Variants in RRM1 observed in about 807,000 individuals in gnomAD.
RRM1 encodes the protein ribonucleotide reductase catalytic subunit M1.
RRM1 carries 19 observed loss-of-function variants against 101.5 expected under a neutral mutation model. That is an observed-to-expected ratio of 0.19 (90% CI 0.13 to 0.27). The LOEUF (loss-of-function observed/expected upper bound fraction) is 0.27, where lower values mean the gene tolerates loss of function less well. RRM1 is among the 10% of genes least tolerant of loss of function. The pLI is 1.00. For missense variants in RRM1, 500 were observed against 962.9 expected (o/e 0.52, Z 6.36); for synonymous variants, 298 against 323.4 (o/e 0.92, Z 0.84).
Position 4,132,522 on chromosome 11 carries a change from G to GT in RRM1, c.1905+102dup. The GT allele has an allele frequency of 7.8e-7, 1 of 1,282,126 alleles. No homozygotes were observed. Among genetic ancestry groups the GT allele is most frequent in the Non-Finnish European group, 1.1e-6 (1 of 909,532 alleles). The allele number at this position is 1,282,126 out of a possible 1,614,324, so 79.4% of individuals were successfully genotyped here. ...TAATTTGCCCATTTTCTTAGTTTGG[G>GT]TGCAAACTTTGATAAAGACAGTCAT... On this transcript the variant is annotated intron_variant, in intron 16 of 18. Coordinates refer to ENST00000300738, the MANE Select transcript of RRM1 (RefSeq NM_001033.5). This position sits in a 1 kb window ranked among gnomAD's most constrained non-coding sequence, Gnocchi z 4.1.
chr11:4,107,354 A>G, intron 3 of RRM1, 81 bp from the exon 4 acceptor site: 2 of 952,224 alleles, frequency 2.1e-6, no homozygotes, highest in East Asian at 2.4e-5. Context: ...GTTGAGAACC[A>G]CTGTTTTCAA....
intron 17 of RRM1, among the ~76,000 whole-genome samples, chr11:4,134,682 C>T (rs1027267488): frequency 3.9e-5 from 6 of 152,206 alleles, no homozygotes; most frequent in Non-Finnish European, 5.9e-5. Context: ...TTCCCTTGGT[C>T]CCTGTGAATT....
At position 4,111,076 on chromosome 11, in the gene RRM1, A is replaced by G. The variant is rs567383787; in HGVS notation, c.448-525A>G. Among the ~76,000 whole-genome samples, 5 of 152,176 alleles carry G rather than the reference A, an allele frequency of 3.3e-5. No homozygotes were observed. In the East Asian group the frequency reaches 5.8e-4, roughly 18 times the overall value. The stretch of plus-strand genomic sequence containing the variant: ...TTTTCATGCAGTCTCTGCCGAAACA[A>G]AAGTGCCAGTGAGGAGGCTGAGATG... On this transcript the variant is annotated intron_variant, in intron 5 of 18. Coordinates refer to ENST00000300738, the MANE Select transcript of RRM1 (RefSeq NM_001033.5).
chr11:4,124,418 T>C (rs192153709), intron 12 of RRM1, among the ~76,000 whole-genome samples: 6 of 152,274 alleles, frequency 3.9e-5, no homozygotes, highest in Non-Finnish European at 7.4e-5. Flanking sequence ...AAATGGAAAG[T>C]GAGTTAAATA....
chr11:4,135,056 G>C, intron 17 of RRM1, 26 bp from the exon 18 acceptor site: 3 of 1,553,894 alleles, frequency 1.9e-6, no homozygotes, highest in Non-Finnish European at 2.6e-6. Context: ...CTGGAGTAAA[G>C]TAAACATTGG....
chr11:4,129,194 A>G, intron 15 of RRM1, 44 bp downstream of exon 15: 2 of 1,117,918 alleles, frequency 1.8e-6, no homozygotes, highest in Non-Finnish European at 2.7e-6. Context: ...AGAAGGGTTT[A>G]GGTTCACCTT....
At chr11:4,104,072 C>CT (rs1282070735) in intron 2 of RRM1, among the ~76,000 whole-genome samples, 2 of 152,022 alleles carry the variant, frequency 1.3e-5, no homozygotes, top group African/African-American at 4.8e-5. Context: ...GATTGTGCCA[C>CT]TGTACTCCAG....
chr11:4,130,107 C>CT (rs2094597372), intron 15 of RRM1, among the ~76,000 whole-genome samples: 1 of 34,422 alleles, frequency 2.9e-5, no homozygotes, highest in Non-Finnish European at 5.7e-5. Flanking sequence ...TTTTTTTTCC[C>CT]CTCAAAATAC....
intron 3 of RRM1, 47 bp downstream of exon 3, chr11:4,106,270 A>G: frequency 6.9e-7 from 1 of 1,445,508 alleles, no homozygotes; most frequent in East Asian, 2.3e-5. Context: ...TCAGAAAAGT[A>G]ATAAGGGTAC....
rs558461996 is a variant in RRM1, at chr11:4,106,524, G to A, written c.286+301G>A. 5.3e-4 allele frequency among the ~76,000 whole-genome samples: 81 copies of A among 152,044 alleles called. 1 individual carries two copies. Among genetic ancestry groups the A allele is most frequent in the African/African-American group, 1.9e-3 (78 of 41,474 alleles). On this transcript the variant is annotated intron_variant, in intron 3 of 18. Transcript: ENST00000300738. ...GTGCTTTGGGAGGCTGAGGCAGGTGGATCGCTGAGGTCAGGAGTTTGAGAC... is the reference window on the plus strand; with the variant it reads ...GTGCTTTGGGAGGCTGAGGCAGGTGAATCGCTGAGGTCAGGAGTTTGAGAC...
intron 3 of RRM1, 129 bp from the exon 4 acceptor site, chr11:4,107,306 T>G: frequency 1.6e-6 from 1 of 638,996 alleles, no homozygotes; most frequent in Admixed American, 2.6e-5. Flanking sequence ...GAGCACTTTA[T>G]ATGCTAGGCA....
At chr11:4,120,057 G>C in intron 9 of RRM1, 129 bp downstream of exon 9, 8 of 603,094 alleles carry the variant, frequency 1.3e-5, no homozygotes, top group South Asian at 1.2e-4. Flanking sequence ...ATTTGAGGAG[G>C]TATAATTATT....
intron 3 of RRM1, among the ~76,000 whole-genome samples, chr11:4,106,465 AGACTAGGTGCAGTGGCTCACGCCT>A (rs1203178907): frequency 6.6e-6 from 1 of 152,096 alleles, no homozygotes; most frequent in African/African-American, 2.4e-5. Context: ...ATTATAAAAT[AGACTAGGTGCAGTGGCTCACGCCT>A]GTAATCCCAG....
At chr11:4,113,215 T>A (rs995310129) in intron 7 of RRM1, among the ~76,000 whole-genome samples, 3 of 152,188 alleles carry the variant, frequency 2.0e-5, no homozygotes, top group African/African-American at 7.2e-5. Context: ...TGCATTAACA[T>A]TTTATGCAGT....
At position 4,113,769 on chromosome 11, in the gene RRM1, C is replaced by A. The variant is rs547991108; in HGVS notation, c.650+1707C>A. On this transcript the variant is annotated intron_variant, in intron 7 of 18. Transcript: ENST00000300738. ...ATGTTACTGTACTGAATACTGTAGG[C>A]CTTTGTATTACCATGGTAAGTATTT... Among the ~76,000 whole-genome samples the A allele has an allele frequency of 3.9e-5, 6 of 152,258 alleles. No individual in the cohort carries two copies. In the East Asian group the frequency reaches 1.2e-3, roughly 29 times the overall value.
Position 4,123,610 on chromosome 11 carries a change from A to G in RRM1, c.1320+226A>G, listed in dbSNP as rs1252969346. Among the ~76,000 whole-genome samples, 7 of 152,178 alleles carry G rather than the reference A, an allele frequency of 4.6e-5. No homozygotes were observed. In the East Asian group the frequency reaches 1.3e-3, roughly 29 times the overall value. On this transcript the variant is annotated intron_variant, in intron 12 of 18. Coordinates refer to ENST00000300738, the MANE Select transcript of RRM1 (RefSeq NM_001033.5). ...TGGGAAAGACACAGTTTTTTCTTATACACACATCACTGTAATAACATTTAC... is the reference window on the plus strand; with the variant it reads ...TGGGAAAGACACAGTTTTTTCTTATGCACACATCACTGTAATAACATTTAC...
chr11:4,101,489 T>A (rs1009076870), intron 1 of RRM1, among the ~76,000 whole-genome samples: 1 of 149,560 alleles, frequency 6.7e-6, no homozygotes, highest in African/African-American at 2.5e-5. Context: ...ATTTTTTGTA[T>A]TTTTAGTAGA....
rs972115470 is a variant in RRM1 at position 4,132,945 on chromosome 11, G to A, written c.1905+524G>A. Among the ~76,000 whole-genome samples the A allele has an allele frequency of 2.6e-5, 4 of 152,088 alleles. No homozygotes were observed. The highest frequency in any genetic ancestry group is 1.3e-4 in the Admixed American group (2 of 15,268). The stretch of plus-strand genomic sequence containing the variant: ...CTTGAAGTAAAGTTCTGTAAAGTTC[G>A]AGAAGGATACGTTTCCAATTTTTTT... On this transcript the variant is annotated intron_variant, in intron 16 of 18. Coordinates refer to ENST00000300738, the MANE Select transcript of RRM1 (RefSeq NM_001033.5). The surrounding 1 kb of genome is among the most constrained non-coding windows in gnomAD (Gnocchi z 4.1).
intron 2 of RRM1, 53 bp downstream of exon 2, chr11:4,102,134 A>G (rs930394174): frequency 2.1e-5 from 19 of 921,752 alleles, no homozygotes; most frequent in Non-Finnish European, 3.0e-5. Context: ...GTTTCTTTCC[A>G]TTTGTCTCTT....
Sources: allele counts gnomAD v4.1 joint callset (sites outside exome capture counted in the v4.1 genomes callset), GRCh38; gene constraint gnomAD v4.1.1; non-coding constraint Gnocchi (gnomAD v3.1); transcripts MANE v1.5; gene names NCBI Gene and HGNC (gene_info 2026-07-23, HGNC 2026-07-21).